Variants in COL21A1 observed in about 807,000 individuals in gnomAD.
COL21A1 encodes the protein collagen type XXI alpha 1 chain.
A neutral mutation model predicts 137.9 loss-of-function variants in COL21A1; 149 were observed. That is an observed-to-expected ratio of 1.08 (90% CI 0.95 to 1.24). COL21A1 has a LOEUF of 1.24. Ranked by LOEUF, COL21A1 falls within the 50% of genes most tolerant of loss-of-function variation. The probability of loss-of-function intolerance (pLI) is 0.00; values close to 1 mark genes in which losing one functional copy is unlikely to be tolerated. For missense variants in COL21A1, 1,167 were observed against 1,158.4 expected (o/e 1.01, Z -0.11); for synonymous variants, 456 against 391.5 (o/e 1.16, Z -1.95).
chr6:56,263,430 A>G (rs1763327958), intron 1 of COL21A1, among the ~76,000 whole-genome samples: 1 of 152,200 alleles, frequency 6.6e-6, no homozygotes, highest in Non-Finnish European at 1.5e-5. Flanking sequence ...GAAATACTCT[A>G]TGGAGTAGTG....
At chr6:56,370,374 G>C (rs1304037476) in intron 1 of COL21A1, among the ~76,000 whole-genome samples, 1 of 152,174 alleles carries the variant, frequency 6.6e-6, no homozygotes, top group Non-Finnish European at 1.5e-5. Context: ...TCTGTAAAAT[G>C]TGAGATTTGT....
chr6:56,295,928 T>A (rs547452502), intron 1 of COL21A1, among the ~76,000 whole-genome samples: 7 of 152,016 alleles, frequency 4.6e-5, no homozygotes, highest in African/African-American at 1.7e-4. Context: ...TTGATTTACT[T>A]TTCATGTCTT....
At chr6:56,367,759 G>C (rs998418478) in intron 1 of COL21A1, among the ~76,000 whole-genome samples, 2 of 152,166 alleles carry the variant, frequency 1.3e-5, no homozygotes, top group African/African-American at 2.4e-5. Context: ...TTGTCACCCA[G>C]GCTGGAGTGC....
intron 17 of COL21A1, among the ~76,000 whole-genome samples, chr6:56,094,757 T>A (rs1297821413): frequency 6.6e-6 from 1 of 152,094 alleles, no homozygotes; most frequent in Admixed American, 6.6e-5. Flanking sequence ...CAAATACCAA[T>A]CCATGAGACA....
rs963176363 is a variant in COL21A1, at chr6:56,075,441, A to T, written c.1911+38T>A. The T allele has an allele frequency of 2.0e-6, 3 of 1,510,498 alleles. No homozygotes were observed. In the African/African-American group the frequency reaches 4.2e-5, roughly 21 times the overall value. The allele number at this position is 1,510,498 out of a possible 1,614,324, so 93.6% of individuals were successfully genotyped here. ...TCCTAGTAGGTAGTAGCAACACTGCAAACACTTTGATGTATGATGATAATG... is the reference window on the plus strand; with the variant it reads ...TCCTAGTAGGTAGTAGCAACACTGCTAACACTTTGATGTATGATGATAATG... On this transcript the variant is annotated intron_variant, in intron 19 of 29. Coordinates refer to ENST00000244728, the MANE Select transcript of COL21A1 (RefSeq NM_030820.4).
At chr6:56,168,921 A>G (rs1776812404) in intron 5 of COL21A1, among the ~76,000 whole-genome samples, 1 of 152,002 alleles carries the variant, frequency 6.6e-6, no homozygotes, top group Non-Finnish European at 1.5e-5. Context: ...TGGGTCCTAT[A>G]ATTCTAATAC....
At chr6:56,304,060 C>A (rs186606921) in intron 1 of COL21A1, among the ~76,000 whole-genome samples, 2,444 of 152,278 alleles carry the variant, frequency 0.016, 53 homozygotes, top group African/African-American at 0.055. Flanking sequence ...GTTGAACCAG[C>A]CTTGCATCCC....
In COL21A1 at chr6:56,292,166, C is replaced by T. The variant is rs778959667; in HGVS notation, c.-39+101805G>A. Reference sequence around the variant, plus strand: ...CCTGGGCCGCAGAATGAGACTCTGTCTCAAAAAAATAAAAATTAAAAATAA... The same window carrying T: ...CCTGGGCCGCAGAATGAGACTCTGTTTCAAAAAAATAAAAATTAAAAATAA... On this transcript the variant is annotated intron_variant, in intron 1 of 28. Transcript: ENST00000370819. 1.5e-4 allele frequency among the ~76,000 whole-genome samples: 23 copies of T among 151,960 alleles called. No individual in the cohort carries two copies. The Middle Eastern group carries it at 0.014, about 90-fold the overall frequency.
chr6:56,117,452 C>T (rs1456089578), intron 16 of COL21A1, among the ~76,000 whole-genome samples: 2 of 151,936 alleles, frequency 1.3e-5, no homozygotes, highest in African/African-American at 2.4e-5. Flanking sequence ...ATTATTAGAG[C>T]TAAAGAGAGT....
chr6:56,095,907 C>T (rs1769274967), intron 17 of COL21A1, among the ~76,000 whole-genome samples: 1 of 152,124 alleles, frequency 6.6e-6, no homozygotes, highest in South Asian at 2.1e-4. Flanking sequence ...AGTGCAGTGG[C>T]ATGATCTTGG....
intron 10 of COL21A1, among the ~76,000 whole-genome samples, chr6:56,148,368 G>GAGAGAGAGAGAGAA (rs1208798741): frequency 5.7e-4 from 85 of 150,228 alleles, no homozygotes; most frequent in African/African-American, 1.9e-3. Context: ...GAGAGAGAGA[G>GAGAGAGAGAGAGAA]AAACACATAA....
intron 1 of COL21A1, among the ~76,000 whole-genome samples, chr6:56,263,796 T>G (rs1397779901): frequency 4.6e-5 from 7 of 152,352 alleles, no homozygotes; most frequent in Admixed American, 3.9e-4. Flanking sequence ...GGAAAACCGC[T>G]GTTTAACATT....
intron 24 of COL21A1, 134 bp from the exon 25 acceptor site, chr6:56,061,815 T>C (rs766568995): frequency 7.0e-5 from 38 of 544,090 alleles, no homozygotes; most frequent in Non-Finnish European, 3.5e-5. Context: ...AGTGACAGAA[T>C]TACAGACCCT....
intron 1 of COL21A1, among the ~76,000 whole-genome samples, chr6:56,371,953 G>A (rs1355882202): frequency 6.6e-6 from 1 of 152,132 alleles, no homozygotes; most frequent in Non-Finnish European, 1.5e-5. Flanking sequence ...TGACTGGGTT[G>A]GACCCAAGAA....
intron 27 of COL21A1, chr6:56,060,482 G>A (rs1765696641): frequency 1.1e-5 from 5 of 473,832 alleles, no homozygotes; most frequent in Non-Finnish European, 1.4e-5. Context: ...TCATATTTAT[G>A]AACTAAATTA....
chr6:56,215,695 G>C (rs951773627), intron 1 of COL21A1, among the ~76,000 whole-genome samples: 1 of 151,982 alleles, frequency 6.6e-6, no homozygotes, highest in African/African-American at 2.4e-5. Flanking sequence ...TGGCATAAAA[G>C]CACTTTCCAC....
intron 1 of COL21A1, among the ~76,000 whole-genome samples, chr6:56,287,968 G>C (rs1430198982): frequency 1.3e-5 from 2 of 152,100 alleles, no homozygotes; most frequent in Non-Finnish European, 1.5e-5. Context: ...CAAGGACAAG[G>C]ATTCTTCCCT....
intron 1 of COL21A1, among the ~76,000 whole-genome samples, chr6:56,334,787 G>T (rs1765301834): frequency 6.6e-6 from 1 of 152,100 alleles, no homozygotes; most frequent in African/African-American, 2.4e-5. Flanking sequence ...ATCATAAGTG[G>T]ATGAAGCATC....
chr6:56,144,140 C>G (rs1774649988), intron 10 of COL21A1, among the ~76,000 whole-genome samples: 1 of 152,196 alleles, frequency 6.6e-6, no homozygotes, highest in Admixed American at 6.5e-5. Flanking sequence ...TCACTGCTAG[C>G]AATGTACAAA....
Sources: gnomAD v4.1 joint callset for allele counts (sites outside exome capture counted in the v4.1 genomes callset) on GRCh38, gnomAD v4.1.1 for gene constraint, MANE v1.5 for transcripts, NCBI Gene and HGNC (gene_info 2026-07-23, HGNC 2026-07-21) for gene names.